Variants in MAPK8IP3 observed in about 807,000 individuals in gnomAD.
The protein encoded by MAPK8IP3 is C-Jun-amino-terminal kinase-interacting protein 3.
MAPK8IP3 carries 49 observed loss-of-function variants against 157.8 expected under a neutral mutation model. The observed-to-expected ratio is 0.31, with a 90% CI of 0.25 to 0.39. The LOEUF (loss-of-function observed/expected upper bound fraction) is 0.39, where lower values mean the gene tolerates loss of function less well. Among genes scored for constraint, MAPK8IP3 ranks in the 10% least tolerant of loss-of-function variants. The pLI is 1.00. For missense variants in MAPK8IP3, 1,478 were observed against 1,889.4 expected (o/e 0.78, Z 4.04); for synonymous variants, 897 against 777.7 (o/e 1.15, Z -2.55).
At chr16:1,726,510 A>G (rs1446645251) in intron 2 of MAPK8IP3, among the ~76,000 whole-genome samples, 1 of 152,098 alleles carries the variant, frequency 6.6e-6, no homozygotes, top group Admixed American at 6.6e-5. Context: ...CCCCATCTCT[A>G]CAAAAAATAC....
At chr16:1,750,534 AT>A (rs947632105) in intron 8 of MAPK8IP3, among the ~76,000 whole-genome samples, 3 of 151,408 alleles carry the variant, frequency 2.0e-5, no homozygotes, top group Non-Finnish European at 4.4e-5. Context: ...TTTTTTAGCT[AT>A]TTTTTTTATT....
chr16:1,736,870 G>C (rs1364908634), intron 4 of MAPK8IP3, among the ~76,000 whole-genome samples: 3 of 73,126 alleles, frequency 4.1e-5, no homozygotes, highest in Admixed American at 1.9e-4. Context: ...GTCCATGTGA[G>C]CATCCGTGAG....
At chr16:1,746,928 G>A (rs867826545) in intron 5 of MAPK8IP3, 101 bp from the exon 6 acceptor site, 11 of 1,415,434 alleles carry the variant, frequency 7.8e-6, no homozygotes, top group Middle Eastern at 2.5e-4. Context: ...GCGAGGCAAA[G>A]TGCAAAGCAT....
rs753564870 is a variant in MAPK8IP3 at position 1,765,024 on chromosome 16, C to T, written c.2292C>T (p.Leu764=). 27 of 1,608,026 alleles carry T rather than the reference C, an allele frequency of 1.7e-5. No homozygotes were observed. The highest frequency in any genetic ancestry group is 2.3e-5 in the Non-Finnish European group (27 of 1,176,162). The change falls in exon 20 of 32, where the codon CTC becomes CTT. Residue 764 remains leucine, a synonymous_variant. Transcript: ENST00000610761. The part of the protein sequence containing the change: ...TSPEKKKAKE[L]PEMDATSSRV... ...GTGCCCTGAAACAGGCCAAGGAGCTCCCTGAAATGGACGCCACCTCCAGCC... is the reference window on the plus strand; with the variant it reads ...GTGCCCTGAAACAGGCCAAGGAGCTTCCTGAAATGGACGCCACCTCCAGCC...
At chr16:1,740,087 ACCGT>A (rs1310993406) in intron 4 of MAPK8IP3, among the ~76,000 whole-genome samples, 4 of 98,512 alleles carry the variant, frequency 4.1e-5, no homozygotes, top group East Asian at 3.2e-4. Context: ...CATCCGTGTG[ACCGT>A]CCGTGTGAGC....
chr16:1,720,201 A>T (rs1421095878), intron 1 of MAPK8IP3, among the ~76,000 whole-genome samples: 1 of 152,096 alleles, frequency 6.6e-6, no homozygotes, highest in Non-Finnish European at 1.5e-5. Flanking sequence ...CGCCCAGCTG[A>T]TTTTTTGTGT....
In MAPK8IP3 at chr16:1,736,234, ATCCGTGTGAGCGTGTGACTG is replaced by A. The variant is rs558185728; in HGVS notation, c.602+6675_602+6694del. On this transcript the variant is annotated intron_variant, in intron 4 of 31. Coordinates refer to ENST00000610761, the MANE Select transcript of MAPK8IP3 (RefSeq NM_001318852.2). Reference sequence around the variant, plus strand: ...CATCCGTGTGAGCGTCCGTGTAAGCATCCGTGTGAGCGTGTGACTGTCCGTGTGAGCGTGTGACCATCCAT... The same window carrying A: ...CATCCGTGTGAGCGTCCGTGTAAGCATCCGTGTGAGCGTGTGACCATCCAT... Among the ~76,000 whole-genome samples the A allele has an allele frequency of 6.6e-4, 43 of 64,850 alleles. 1 individual carries two copies. The highest frequency in any genetic ancestry group is 2.1e-3 in the African/African-American group (34 of 15,886). 42.5% of individuals were successfully genotyped at this position (64,850 alleles called of 152,430 possible).
Position 1,743,278 on chromosome 16 carries a change from T to C in MAPK8IP3, c.603-54T>C. On this transcript the variant is annotated intron_variant, in intron 4 of 31. Coordinates refer to ENST00000610761, the MANE Select transcript of MAPK8IP3 (RefSeq NM_001318852.2). This position sits in a 1 kb window ranked among gnomAD's most constrained non-coding sequence, Gnocchi z 5.6. ...GCTTGCCCTGGGAGGGCTTGGGAAA[T>C]CTTCACGGCCACCCTCTAACCATCG... 8.8e-6 allele frequency: 13 copies of C among 1,480,154 alleles called. No homozygotes were observed. The South Asian group carries it at 1.3e-4, about 15-fold the overall frequency. The allele number at this position is 1,480,154 out of a possible 1,614,324, so 91.7% of individuals were successfully genotyped here. A position where few individuals can be genotyped will look rare whatever the true frequency, so the allele number is the denominator to read the frequency against.
rs937135774 is a variant in MAPK8IP3 at position 1,768,858 on chromosome 16, G to A, written c.*34G>A. Reference sequence around the variant, plus strand: ...CCCTGCCTGGCCCGACCTGTACATAGGACCCCCGACCACCTGACCCCCGCC... The same window carrying A: ...CCCTGCCTGGCCCGACCTGTACATAAGACCCCCGACCACCTGACCCCCGCC... On this transcript the variant is annotated 3_prime_UTR_variant, in exon 32 of 32. Transcript: ENST00000610761. 7 of 1,604,744 alleles carry A rather than the reference G, an allele frequency of 4.4e-6. No homozygotes were observed. The highest frequency in any genetic ancestry group is 5.1e-6 in the Non-Finnish European group (6 of 1,176,384).
Position 1,710,724 on chromosome 16 carries a change from G to T in MAPK8IP3, c.318+4067G>T, listed in dbSNP as rs2037717023. Among the ~76,000 whole-genome samples, 1 of 152,134 alleles carries T rather than the reference G, an allele frequency of 6.6e-6. No individual in the cohort carries two copies. Among genetic ancestry groups the T allele is most frequent in the African/African-American group, 2.4e-5 (1 of 41,416 alleles). On this transcript the variant is annotated intron_variant, in intron 1 of 31. Coordinates refer to ENST00000610761, the MANE Select transcript of MAPK8IP3 (RefSeq NM_001318852.2). This position sits in a 1 kb window ranked among gnomAD's most constrained non-coding sequence, Gnocchi z 4.1. ...TATGACAAATAGTAAATCCACCACT[G>T]CTTGGCCAGAGTATGCGATTTCTTT...
At chr16:1,740,056 G>C (rs2040553809) in intron 4 of MAPK8IP3, among the ~76,000 whole-genome samples, 1 of 110,686 alleles carries the variant, frequency 9.0e-6, no homozygotes, top group African/African-American at 4.2e-5. Context: ...GCATCCGTGT[G>C]ACTGTCCGTG....
At chr16:1,735,240 C>A (rs2039594050) in intron 4 of MAPK8IP3, among the ~76,000 whole-genome samples, 1 of 148,788 alleles carries the variant, frequency 6.7e-6, no homozygotes, top group East Asian at 2.0e-4. Flanking sequence ...GTCCATGTGA[C>A]CATCGGTGTG....
chr16:1,753,853 G>C (rs1323152209), intron 8 of MAPK8IP3, among the ~76,000 whole-genome samples: 1 of 151,828 alleles, frequency 6.6e-6, no homozygotes, highest in Non-Finnish European at 1.5e-5. Context: ...GTTAACATGA[G>C]GAAAAAAATG....
rs2042502021 is a variant in MAPK8IP3 at position 1,769,789 on chromosome 16, C to T, written c.*965C>T. On this transcript the variant is annotated 3_prime_UTR_variant, in exon 32 of 32. Transcript: ENST00000610761. ...CACGGGGCTCCACGGAGCCCAGCTC[C>T]CAGACACGCTACTAAGTGCCTAGGG... 1 of 152,834 alleles carries T rather than the reference C, an allele frequency of 6.5e-6. No individual in the cohort carries two copies. The highest frequency in any genetic ancestry group is 2.1e-4 in the South Asian group (1 of 4,838). 9.5% of individuals were successfully genotyped at this position (152,834 alleles called of 1,614,324 possible).
chr16:1,721,927 G>A lies in MAPK8IP3; in HGVS notation c.319-2630G>A, dbSNP rs531400283. ...TGGGACTACAGGCGCCCGCCACCAC[G>A]CCCAGCTAATTTTTTTTATTTTTAG... On this transcript the variant is annotated intron_variant, in intron 1 of 31. Transcript: ENST00000610761. Among the ~76,000 whole-genome samples the A allele has an allele frequency of 1.2e-4, 18 of 151,656 alleles. No homozygotes were observed. The South Asian group carries it at 3.3e-3, about 28-fold the overall frequency.
intron 4 of MAPK8IP3, among the ~76,000 whole-genome samples, chr16:1,733,711 C>T (rs1419267914): frequency 6.6e-6 from 1 of 152,250 alleles, no homozygotes; most frequent in Non-Finnish European, 1.5e-5. Context: ...CAGGGCCCCA[C>T]TGCTGGGGTC....
intron 8 of MAPK8IP3, 28 bp from the exon 9 acceptor site, chr16:1,758,120 C>T (rs2041722604): frequency 2.5e-6 from 4 of 1,613,108 alleles, no homozygotes; most frequent in Admixed American, 1.7e-5. Flanking sequence ...CCTTCCCCTG[C>T]CTCTCTGTGC....
chr16:1,748,371 G>A, intron 7 of MAPK8IP3, 25 bp downstream of exon 7: 1 of 1,579,764 alleles, frequency 6.3e-7, no homozygotes, highest in Non-Finnish European at 8.7e-7. Context: ...CAGGCCCTGG[G>A]GTCCTGGGGG....
At chr16:1,737,006 G>A (rs1315298754) in intron 4 of MAPK8IP3, among the ~76,000 whole-genome samples, 19 of 73,580 alleles carry the variant, frequency 2.6e-4, no homozygotes, top group Admixed American at 5.1e-4. Flanking sequence ...GCGTGTGACC[G>A]TCCGTGTGAG....
Sources: gnomAD v4.1 joint callset for allele counts (sites outside exome capture counted in the v4.1 genomes callset) on GRCh38, gnomAD v4.1.1 for gene constraint, Gnocchi (gnomAD v3.1) non-coding constraint, MANE v1.5 for transcripts, NCBI Gene and HGNC (gene_info 2026-07-23, HGNC 2026-07-21) for gene names.